Variants in ZNF28 observed in about 807,000 individuals in gnomAD.
The protein encoded by ZNF28 is zinc finger protein 28.
ZNF28 carries 5 observed loss-of-function variants against 7.2 expected under a neutral mutation model. That is an observed-to-expected ratio of 0.70 (90% CI 0.36 to 1.46). ZNF28 has a LOEUF of 1.46. Among genes scored for constraint, ZNF28 ranks in the 40% most tolerant of loss-of-function variants. The probability of loss-of-function intolerance (pLI) is 0.03; values close to 1 mark genes in which losing one functional copy is unlikely to be tolerated. For synonymous variants in ZNF28, 288 were observed against 292.4 expected (o/e 0.99, Z 0.15); for missense variants, 879 against 866.6 (o/e 1.01, Z -0.18).
chr19:52,811,156 G>A (rs1259501434), intron 2 of ZNF28, among the ~76,000 whole-genome samples: 1 of 150,840 alleles, frequency 6.6e-6, no homozygotes, highest in Admixed American at 6.6e-5. Context: ...GGCCTCCCGA[G>A]GTGCCGGGAT....
chr19:52,801,514 C>A lies in ZNF28; in HGVS notation c.331G>T (p.Ala111Ser). ...AACTCTTTGATTTCTGTCATGGGTG[C>A]TGCATGGTCATTTGTTTCATCTTCT... is the stretch of plus-strand genomic sequence containing the variant. ...WKEDETNDHA[A>S]PMTEIKELTG... The change falls in exon 4 of 4, where the codon GCA (alanine) becomes TCA (serine). Residue 111 changes from alanine (A) to serine (S), a missense_variant. By Grantham distance (99) the Ala-to-Ser change is moderately conservative (BLOSUM62 1). Around this residue, in one of 2 missense-constraint regions of ZNF28, gnomAD observed 864 missense variants for 830.2 expected, o/e 1.04. Transcript: ENST00000457749. The A allele has an allele frequency of 6.2e-7, 1 of 1,614,072 alleles. No homozygotes were observed. Among genetic ancestry groups the A allele is most frequent in the Non-Finnish European group, 8.5e-7 (1 of 1,179,988 alleles).
chr19:52,820,108 CTTT>C (rs71183842), intron 1 of ZNF28, among the ~76,000 whole-genome samples: 2 of 120,324 alleles, frequency 1.7e-5, no homozygotes, highest in Non-Finnish European at 1.7e-5. Context: ...TATTTAACCT[CTTT>C]TTTTTTTTTT....
intron 3 of ZNF28, among the ~76,000 whole-genome samples, chr19:52,803,433 G>A (rs1422387498): frequency 1.3e-5 from 2 of 151,988 alleles, no homozygotes; most frequent in African/African-American, 2.4e-5. Flanking sequence ...ACCACATACC[G>A]AAAACTCACA....
rs140737004 is a variant in ZNF28, at chr19:52,801,068, T to G, written c.777A>C (p.Ala259=). ...CATCAATGTGAGATCTACGATGGCA[T>G]GCAAGGTATCGCTTCTGATTAAATA... ...GKVFNQKRYL[A]CHRRSHIDEK... The change falls in exon 4 of 4, where the codon GCA becomes GCC. Residue 259 remains alanine (A), a synonymous_variant. Transcript: ENST00000457749. The G allele has an allele frequency of 5.6e-4, 908 of 1,614,204 alleles. 2 individuals are homozygous for G. In the African/African-American group the frequency reaches 6.1e-3, roughly 11 times the overall value.
chr19:52,810,132 G>A lies in ZNF28; in HGVS notation c.16-1999C>T, dbSNP rs116001067. 2.0e-3 allele frequency: 1,761 copies of A among 868,988 alleles called. 20 individuals are homozygous for A. In the African/African-American group the frequency reaches 0.024, roughly 12 times the overall value. 53.8% of individuals were successfully genotyped at this position (868,988 alleles called of 1,614,324 possible). A position where few individuals can be genotyped will look rare whatever the true frequency, so the allele number is the denominator to read the frequency against. ...GGAGGGGGAGGAGCCGGGACTGGTCGAGGGTGACCCGGGGCTGGAAGCTAT... is the reference window on the plus strand; with the variant it reads ...GGAGGGGGAGGAGCCGGGACTGGTCAAGGGTGACCCGGGGCTGGAAGCTAT... On this transcript the variant is annotated intron_variant, in intron 2 of 3. Coordinates refer to ENST00000457749, the MANE Select transcript of ZNF28 (RefSeq NM_006969.5).
chr19:52,818,078 C>T, intron 1 of ZNF28, 47 bp from the exon 2 acceptor site: 1 of 1,509,382 alleles, frequency 6.6e-7, no homozygotes. Flanking sequence ...CAACACATCC[C>T]CTCCCTGTAA....
Position 52,801,117 on chromosome 19 carries a change from C to G in ZNF28, c.728G>C (p.Cys243Ser). 6.2e-7 allele frequency: 1 copy of G among 1,614,096 alleles called. No homozygotes were observed. Among genetic ancestry groups the G allele is most frequent in the Non-Finnish European group, 8.5e-7 (1 of 1,180,008 alleles). The change falls in exon 4 of 4, where the codon TGT becomes TCT. Residue 243 changes from cysteine to serine, a missense_variant. By Grantham distance (112) the Cys-to-Ser change is moderately radical. Around this residue, in one of 2 missense-constraint regions of ZNF28, gnomAD observed 864 missense variants for 830.2 expected, o/e 1.04. Coordinates refer to ENST00000457749, the MANE Select transcript of ZNF28 (RefSeq NM_006969.5). Reference protein sequence around the residue: ...HQITHLEEKQCKCDVYGKVFN... With the variant: ...HQITHLEEKQSKCDVYGKVFN... ...TACCTTGCCATATACATCACATTTACATTGTTTCTCTTCTAAGTGGGTTAT... is the reference window on the plus strand; with the variant it reads ...TACCTTGCCATATACATCACATTTAGATTGTTTCTCTTCTAAGTGGGTTAT...
At chr19:52,808,644 T>TA (rs540657405) in intron 2 of ZNF28, among the ~76,000 whole-genome samples, 1,783 of 137,172 alleles carry the variant, frequency 0.013, 20 homozygotes, top group African/African-American at 0.039. Context: ...AAAAAAAAAT[T>TA]AAAAAAAAAA....
In ZNF28 at chr19:52,816,723, TA is replaced by T. The variant is rs910171540; in HGVS notation, c.15+1220del. Reference sequence around the variant, plus strand: ...GGCGCGCACCTATAATCCCAGCTACTAGGTGGGTTGAGACAGAGAATCGCTT... The same window carrying T: ...GGCGCGCACCTATAATCCCAGCTACTGGTGGGTTGAGACAGAGAATCGCTT... On this transcript the variant is annotated intron_variant, in intron 2 of 3. Coordinates refer to ENST00000457749, the MANE Select transcript of ZNF28 (RefSeq NM_006969.5). 9.9e-5 allele frequency among the ~76,000 whole-genome samples: 12 copies of T among 120,712 alleles called. 2 individuals carry two copies. Among genetic ancestry groups the T allele is most frequent in the Admixed American group, 8.5e-4 (10 of 11,734 alleles). 79.2% of individuals were successfully genotyped at this position (120,712 alleles called of 152,430 possible).
chr19:52,816,834 A>AAGTAAT (rs1555807267), intron 2 of ZNF28, among the ~76,000 whole-genome samples: 1 of 138,402 alleles, frequency 7.2e-6, no homozygotes, highest in Admixed American at 7.6e-5. Context: ...CCGTTTCAGA[A>AAGTAAT]AATAATAATA....
chr19:52,805,234 C>T (rs1373485345), intron 3 of ZNF28: 2 of 150,624 alleles, frequency 1.3e-5, no homozygotes, highest in African/African-American at 4.9e-5. Flanking sequence ...GACACCACTG[C>T]ACTTTAGCCT....
At chr19:52,805,737 C>G (rs2062929571) in intron 3 of ZNF28, 1 of 152,034 alleles carries the variant, frequency 6.6e-6, no homozygotes, top group African/African-American at 2.4e-5. Context: ...AATCCCAACA[C>G]TTTGGGAGGA....
chr19:52,815,412 G>A (rs1029808860), intron 2 of ZNF28, among the ~76,000 whole-genome samples: 1 of 145,580 alleles, frequency 6.9e-6, no homozygotes, highest in Non-Finnish European at 1.5e-5. Flanking sequence ...AGCTACTCGA[G>A]AGTCTGAAGC....
intron 2 of ZNF28, among the ~76,000 whole-genome samples, chr19:52,817,743 G>C (rs757643313): frequency 1.6e-4 from 24 of 152,132 alleles, no homozygotes; most frequent in Non-Finnish European, 3.1e-4. Context: ...ACCATGCCCA[G>C]TGCAGCCTCT....
rs1169089016 is a variant in ZNF28 at position 52,800,005 on chromosome 19, T to C, written c.1840A>G (p.Lys614Glu). The C allele has an allele frequency of 6.2e-7, 1 of 1,614,196 alleles. No homozygotes were observed. Among genetic ancestry groups the C allele is most frequent in the Admixed American group, 1.7e-5 (1 of 60,016 alleles). ...AGCGATGATGTCTGACGGAAGGTCT[T>C]GCCACACTCATTACACTTGTAAGGT... The part of the protein sequence containing the change: ...EKPYKCNECG[K>E]TFRQTSSLII... Residue 614 changes from lysine (K) to glutamate (E), a missense_variant, in exon 4 of 4, where the codon AAG (lysine) becomes GAG (glutamate). Physicochemically the swap from Lys to Glu is moderately conservative, Grantham distance 56. Coordinates refer to ENST00000457749, the MANE Select transcript of ZNF28 (RefSeq NM_006969.5).
intron 2 of ZNF28, among the ~76,000 whole-genome samples, chr19:52,815,547 G>C (rs1352902860): frequency 6.8e-6 from 1 of 146,012 alleles, no homozygotes; most frequent in Non-Finnish European, 1.5e-5. Context: ...ATAACTGTCT[G>C]GGCGTGGTGG....
chr19:52,810,015 C>A, intron 2 of ZNF28: 1 of 754,694 alleles, frequency 1.3e-6, no homozygotes, highest in Non-Finnish European at 2.4e-6. Context: ...GCTGTTGGAG[C>A]CGGAGCCCGA....
chr19:52,800,464 G>A lies in ZNF28; in HGVS notation c.1381C>T (p.His461Tyr). The A allele has an allele frequency of 6.2e-7, 1 of 1,613,638 alleles. No homozygotes were observed. Among genetic ancestry groups the A allele is most frequent in the Non-Finnish European group, 8.5e-7 (1 of 1,179,860 alleles). The change falls in exon 4 of 4, where the codon CAT becomes TAT. Residue 461 changes from histidine to tyrosine, a missense_variant. His to Tyr is a moderately conservative substitution (Grantham distance 83). Coordinates refer to ENST00000457749, the MANE Select transcript of ZNF28 (RefSeq NM_006969.5). Reference protein sequence around the residue: ...QSTLARHHRLHTAEKPYKCEE... With the variant: ...QSTLARHHRLYTAEKPYKCEE... ...CATTTGTATGGTTTCTCTGCAGTAT[G>A]AAGTCTATGATGGCGTGCAAGAGTT...
rs533262565 is a variant in ZNF28 at position 52,802,683 on chromosome 19, A to T, written c.143-981T>A. Among the ~76,000 whole-genome samples, 161 of 152,308 alleles carry T rather than the reference A, an allele frequency of 1.1e-3. 1 individual carries two copies. Among genetic ancestry groups the T allele is most frequent in the African/African-American group, 3.6e-3 (149 of 41,570 alleles). ...CAGAGTGAGACTCCATCTCAAAAAA[A>T]GGAAAATGTTAATACCATATTTTTC... On this transcript the variant is annotated intron_variant, in intron 3 of 3. Coordinates refer to ENST00000457749, the MANE Select transcript of ZNF28 (RefSeq NM_006969.5).
Sources: allele counts gnomAD v4.1 joint callset (sites outside exome capture counted in the v4.1 genomes callset), GRCh38; gene constraint gnomAD v4.1.1; regional missense constraint gnomAD v4.1.1; transcripts MANE v1.5; gene names NCBI Gene and HGNC (gene_info 2026-07-23, HGNC 2026-07-21).